Variants in PTK2B observed in about 807,000 individuals in gnomAD.
The protein encoded by PTK2B is protein-tyrosine kinase 2-beta.
In PTK2B, 71 loss-of-function variants were observed where a neutral mutation model predicts 142.9. The observed-to-expected ratio is 0.50, with a 90% CI of 0.41 to 0.61. The LOEUF (loss-of-function observed/expected upper bound fraction) is 0.61, where lower values mean the gene tolerates loss of function less well. Ranked by LOEUF, PTK2B falls within the 20% of genes least tolerant of loss-of-function variation. The pLI, the probability that PTK2B is intolerant of heterozygous loss-of-function variation, is 0.00. For synonymous variants in PTK2B, 519 were observed against 503.4 expected, an observed-to-expected ratio of 1.03 and a Z score of -0.42; for missense variants, 1,105 against 1,320.4, an observed-to-expected ratio of 0.84 and a Z score of 2.53.
At chr8:27,435,611 C>T (rs762287051) in intron 13 of PTK2B, 132 bp from the exon 14 acceptor site, 16 of 1,090,782 alleles carry the variant, frequency 1.5e-5, no homozygotes, top group Middle Eastern at 2.8e-4. Context: ...GCTGGGAGCC[C>T]GGGACATGCC....
intron 1 of PTK2B, among the ~76,000 whole-genome samples, chr8:27,392,338 C>A (rs1194190784): frequency 6.8e-6 from 1 of 146,504 alleles, no homozygotes; most frequent in Non-Finnish European, 1.5e-5. Flanking sequence ...TGGAGCACTA[C>A]TGACAGGAGG....
chr8:27,429,996 G>A, intron 5 of PTK2B, 97 bp from the exon 6 acceptor site: 3 of 1,089,856 alleles, frequency 2.8e-6, no homozygotes, highest in Non-Finnish European at 4.2e-6. Flanking sequence ...TCCCACGTAT[G>A]GCAGGGGAAG....
chr8:27,430,896 G>A lies in PTK2B; in HGVS notation c.690G>A (p.Met230Ile). ...CCCAGCCCAAACAGTTCCGGAAGAT[G>A]ATCCAGCAGACCTTCCAGCAGTACG... The part of the protein sequence containing the change: ...ENLKPKQFRK[M>I]IQQTFQQYAS... The change falls in exon 8 of 31, where the codon ATG becomes ATA. Residue 230 changes from methionine (M) to isoleucine (I), a missense_variant. Physicochemically the swap from Met to Ile is conservative, Grantham distance 10. Transcript: ENST00000346049. 1 of 1,614,118 alleles carries A rather than the reference G, an allele frequency of 6.2e-7. No homozygotes were observed. Among genetic ancestry groups the A allele is most frequent in the Non-Finnish European group, 8.5e-7 (1 of 1,179,998 alleles).
chr8:27,367,116 G>A (rs1300228049), intron 1 of PTK2B, among the ~76,000 whole-genome samples: 1 of 152,192 alleles, frequency 6.6e-6, no homozygotes, highest in Non-Finnish European at 1.5e-5. Flanking sequence ...CAAACATTAT[G>A]ATGTTGTTTA....
At chr8:27,451,611 G>T in intron 27 of PTK2B, 102 bp downstream of exon 27, 1 of 1,587,526 alleles carries the variant, frequency 6.3e-7, no homozygotes, top group Non-Finnish European at 8.6e-7. Context: ...GAGTCTGTCT[G>T]CATTCCCTGC....
chr8:27,451,698 C>T (rs1177290544), intron 27 of PTK2B, 189 bp downstream of exon 27: 5 of 1,451,290 alleles, frequency 3.4e-6, no homozygotes, highest in Non-Finnish European at 4.6e-6. Flanking sequence ...CATTCCTCTC[C>T]CTGCCTAGCA....
chr8:27,410,901 G>A (rs1309493181), intron 2 of PTK2B, among the ~76,000 whole-genome samples: 1 of 152,126 alleles, frequency 6.6e-6, no homozygotes, highest in African/African-American at 2.4e-5. Flanking sequence ...CCAAGCAGGA[G>A]GAAAAGCTAT....
At chr8:27,384,101 C>T (rs555975035) in intron 1 of PTK2B, among the ~76,000 whole-genome samples, 113 of 151,858 alleles carry the variant, frequency 7.4e-4, no homozygotes, top group Non-Finnish European at 1.2e-3. Flanking sequence ...CCTCCTGCCT[C>T]GGCCTCCCAA....
chr8:27,402,564 A>C (rs1808447554), intron 2 of PTK2B, among the ~76,000 whole-genome samples: 1 of 152,138 alleles, frequency 6.6e-6, no homozygotes, highest in Non-Finnish European at 1.5e-5. Flanking sequence ...CACTCCACAA[A>C]TGTTTGTTGG....
At chr8:27,357,937 T>C (rs189789034) in intron 1 of PTK2B, among the ~76,000 whole-genome samples, 1 of 152,320 alleles carries the variant, frequency 6.6e-6, no homozygotes, top group African/African-American at 2.4e-5. Flanking sequence ...TCATGTGACC[T>C]CTGAAAAGTC....
intron 1 of PTK2B, among the ~76,000 whole-genome samples, chr8:27,349,835 G>A (rs752637771): frequency 1.1e-4 from 16 of 152,222 alleles, no homozygotes; most frequent in Non-Finnish European, 8.8e-5. Flanking sequence ...AAACTGAGAG[G>A]TGATGGTTGC....
rs895657702 is a variant in PTK2B at position 27,430,428 on chromosome 8, C to T, written c.669+10C>T. 2 of 1,614,068 alleles carry T rather than the reference C, an allele frequency of 1.2e-6. No homozygotes were observed. The highest frequency in any genetic ancestry group is 1.7e-6 in the Non-Finnish European group (2 of 1,179,940). ...GCAGGAGAACTTAAAGGTGAGGAAA[C>T]CAATGGGCGAGGACCTCTTCGTGCT... is the stretch of plus-strand genomic sequence containing the variant. On this transcript the variant is annotated intron_variant, in intron 7 of 30. Transcript: ENST00000346049.
At chr8:27,337,623 G>T (rs144162250) in intron 1 of PTK2B, among the ~76,000 whole-genome samples, 1 of 152,284 alleles carries the variant, frequency 6.6e-6, no homozygotes, top group African/African-American at 2.4e-5. Context: ...GTGGCCTTTC[G>T]CGACGGCTGC....
chr8:27,340,914 G>A (rs1010444711), intron 1 of PTK2B, among the ~76,000 whole-genome samples: 3 of 152,256 alleles, frequency 2.0e-5, no homozygotes, highest in Non-Finnish European at 4.4e-5. Flanking sequence ...GTGGGGAGGG[G>A]GGCAGACAGA....
At chr8:27,315,940 G>T (rs12677738) in intron 3 of PTK2B, among the ~76,000 whole-genome samples, 6,648 of 151,978 alleles carry the variant, frequency 0.044, 467 homozygotes, top group African/African-American at 0.15. Context: ...TGCATATGGT[G>T]GGGGGGTGGG....
Position 27,431,437 on chromosome 8 carries a change from A to G in PTK2B, c.850A>G (p.Lys284Glu), listed in dbSNP as rs750916560. Residue 284 changes from lysine (K) to glutamate (E), a missense_variant, in exon 9 of 31, where the codon AAA (lysine) becomes GAA (glutamate). By Grantham distance (56) the Lys-to-Glu change is moderately conservative. Coordinates refer to ENST00000346049, the MANE Select transcript of PTK2B (RefSeq NM_173176.3). ...TACTGTGGACCTGGTCATTGGCCCT[A>G]AAGGGATCCGCCAGCTGACTAGTCA... ...NITVDLVIGPKGIRQLTSQDA... is the reference protein window; with the variant it reads ...NITVDLVIGPEGIRQLTSQDA... 1.9e-6 allele frequency: 3 copies of G among 1,614,170 alleles called. No individual in the cohort carries two copies. Among genetic ancestry groups the G allele is most frequent in the Non-Finnish European group, 2.5e-6 (3 of 1,180,018 alleles).
chr8:27,325,933 G>A (rs889536843), intron 1 of PTK2B, among the ~76,000 whole-genome samples: 2 of 152,202 alleles, frequency 1.3e-5, no homozygotes, highest in Middle Eastern at 3.4e-3. Flanking sequence ...CTCCCTCTTT[G>A]TCCTCTCAAC....
chr8:27,374,358 T>A (rs1406787960), intron 1 of PTK2B, among the ~76,000 whole-genome samples: 1 of 152,216 alleles, frequency 6.6e-6, no homozygotes, highest in Non-Finnish European at 1.5e-5. Context: ...GAGATGACTG[T>A]CATGAAGGAA....
At position 27,435,690 on chromosome 8, in the gene PTK2B, G is replaced by A. The variant is rs147395211; in HGVS notation, c.1193-53G>A. ...GGGAGCCCCACACCTGATTCCTGGC[G>A]GTGCCCACCAAGGGCATCTTGTCCA... On this transcript the variant is annotated intron_variant, in intron 13 of 30. Transcript: ENST00000346049. 6.9e-4 allele frequency: 1,102 copies of A among 1,598,756 alleles called. 8 individuals carry two copies. The African/African-American group carries it at 0.012, about 17-fold the overall frequency.
Sources: allele counts gnomAD v4.1 joint callset (sites outside exome capture counted in the v4.1 genomes callset), GRCh38; gene constraint gnomAD v4.1.1; transcripts MANE v1.5; gene names NCBI Gene and HGNC (gene_info 2026-07-23, HGNC 2026-07-21).